The following NAALADL2 variants were observed in gnomAD, a reference collection of about 807,000 sequenced individuals.
NAALADL2 encodes the protein N-acetylated alpha-linked acidic dipeptidase like 2.
Under a neutral mutation model 87.2 loss-of-function variants are expected in NAALADL2, and 76 were observed. That is an observed-to-expected ratio of 0.87 (90% CI 0.72 to 1.05). The LOEUF is 1.05. Among genes scored for constraint, NAALADL2 ranks in the 50% least tolerant of loss-of-function variants. NAALADL2 has a pLI of 0.00. For synonymous variants in NAALADL2, 354 were observed against 331.0 expected, an observed-to-expected ratio of 1.07 and a Z score of -0.75; for missense variants, 1,089 against 945.8, an observed-to-expected ratio of 1.15 and a Z score of -1.99.
chr3:174,441,739 T>C (rs1714655577), intron 1 of NAALADL2, among the ~76,000 whole-genome samples: 1 of 150,692 alleles, frequency 6.6e-6, no homozygotes, highest in African/African-American at 2.4e-5. Context: ...TTTTTTTTTT[T>C]CATTTTTCCT....
intron 2 of NAALADL2, among the ~76,000 whole-genome samples, chr3:175,150,297 T>C (rs556541894): frequency 6.6e-6 from 1 of 152,274 alleles, no homozygotes; most frequent in Non-Finnish European, 1.5e-5. Context: ...GCAGTACCTC[T>C]CTTGGTTTCA....
intron 1 of NAALADL2, among the ~76,000 whole-genome samples, chr3:174,985,082 A>G (rs80163486): frequency 0.024 from 3,654 of 152,322 alleles, 126 homozygotes; most frequent in East Asian, 0.17. Context: ...TCATACTTCC[A>G]TACAGATGTG....
chr3:175,671,011 A>C (rs1560950395), intron 11 of NAALADL2, among the ~76,000 whole-genome samples: 1 of 151,636 alleles, frequency 6.6e-6, no homozygotes, highest in African/African-American at 2.4e-5. Flanking sequence ...AATAATAATA[A>C]TAAGCAAAAA....
intron 3 of NAALADL2, among the ~76,000 whole-genome samples, chr3:174,739,836 T>C (rs914094928): frequency 6.6e-6 from 1 of 152,054 alleles, no homozygotes; most frequent in Non-Finnish European, 1.5e-5. Context: ...CTGACTTACA[T>C]CTTGTATTAG....
intron 5 of NAALADL2, among the ~76,000 whole-genome samples, chr3:175,369,226 G>A (rs1399502428): frequency 1.3e-5 from 2 of 151,950 alleles, no homozygotes; most frequent in Admixed American, 6.6e-5. Context: ...TATATATGTA[G>A]CAAGTATGTG....
chr3:175,527,300 T>A (rs1193972550), intron 9 of NAALADL2, among the ~76,000 whole-genome samples: 1 of 152,178 alleles, frequency 6.6e-6, no homozygotes, highest in Non-Finnish European at 1.5e-5. Context: ...CAACACAACA[T>A]TGTAGCTATA....
chr3:174,828,430 T>C (rs536993410), intron 3 of NAALADL2, among the ~76,000 whole-genome samples: 133 of 152,298 alleles, frequency 8.7e-4, no homozygotes, highest in African/African-American at 2.9e-3. Flanking sequence ...CTCACATTAA[T>C]TGAGGCAGAA....
intron 2 of NAALADL2, among the ~76,000 whole-genome samples, chr3:174,644,740 G>A (rs533420880): frequency 6.6e-6 from 1 of 152,232 alleles, no homozygotes; most frequent in South Asian, 2.1e-4. Context: ...AAGATGATGA[G>A]TATTATCTGT....
At chr3:175,008,005 G>A (rs1182007691) in intron 1 of NAALADL2, among the ~76,000 whole-genome samples, 1 of 152,076 alleles carries the variant, frequency 6.6e-6, no homozygotes. Context: ...GCAAAGAGAT[G>A]ATTCATTTCC....
intron 1 of NAALADL2, among the ~76,000 whole-genome samples, chr3:174,885,243 C>A (rs1368184281): frequency 6.6e-6 from 1 of 152,140 alleles, no homozygotes; most frequent in African/African-American, 2.4e-5. Flanking sequence ...CGGCCACTCG[C>A]ATGATAAGAT....
At chr3:175,221,831 G>C (rs572053310) in intron 2 of NAALADL2, among the ~76,000 whole-genome samples, 1 of 151,176 alleles carries the variant, frequency 6.6e-6, no homozygotes. Context: ...GCTGGAGTGC[G>C]TGGCTCGATC....
intron 3 of NAALADL2, among the ~76,000 whole-genome samples, chr3:174,844,755 G>C: frequency 6.7e-6 from 1 of 148,306 alleles, no homozygotes. Flanking sequence ...GTCTGTTATT[G>C]GCATATATAA....
chr3:174,603,724 A>C (rs1055133030), intron 2 of NAALADL2, among the ~76,000 whole-genome samples: 1 of 152,030 alleles, frequency 6.6e-6, no homozygotes, highest in Admixed American at 6.6e-5. Flanking sequence ...AGCTATAAAC[A>C]GCCCTCTTAG....
chr3:175,102,617 AAATG>A (rs1234682559), intron 2 of NAALADL2, among the ~76,000 whole-genome samples: 6 of 152,192 alleles, frequency 3.9e-5, no homozygotes, highest in Non-Finnish European at 7.3e-5. Context: ...TTCACAAATA[AAATG>A]AATAAATAAT....
At chr3:174,701,545 A>G (rs1203080803) in intron 2 of NAALADL2, among the ~76,000 whole-genome samples, 1 of 152,202 alleles carries the variant, frequency 6.6e-6, no homozygotes, top group Non-Finnish European at 1.5e-5. Context: ...CATCATTACA[A>G]TGTAATGAGA....
At chr3:174,997,457 A>G (rs1031564479) in intron 1 of NAALADL2, among the ~76,000 whole-genome samples, 4 of 152,138 alleles carry the variant, frequency 2.6e-5, no homozygotes, top group African/African-American at 9.7e-5. Context: ...AAAGACTGCA[A>G]ATCCTTAAAG....
intron 11 of NAALADL2, among the ~76,000 whole-genome samples, chr3:175,725,095 A>C (rs552077896): frequency 1.9e-4 from 29 of 152,214 alleles, no homozygotes; most frequent in African/African-American, 6.7e-4. Flanking sequence ...ACATGTACAG[A>C]TACTCAGCAT....
chr3:174,585,450 G>A (rs1398013445), intron 2 of NAALADL2, among the ~76,000 whole-genome samples: 3 of 152,140 alleles, frequency 2.0e-5, no homozygotes, highest in Admixed American at 6.6e-5. Flanking sequence ...CAATGTTGAT[G>A]GATTAGAACA....
intron 1 of NAALADL2, among the ~76,000 whole-genome samples, chr3:175,003,582 G>A (rs1191300718): frequency 6.6e-6 from 1 of 152,114 alleles, no homozygotes; most frequent in Non-Finnish European, 1.5e-5. Flanking sequence ...TGATGACTTT[G>A]AGGCATTCCA....
Sources: gnomAD v4.1 joint callset for allele counts (sites outside exome capture counted in the v4.1 genomes callset) on GRCh38, gnomAD v4.1.1 for gene constraint, MANE v1.5 for transcripts, NCBI Gene and HGNC (gene_info 2026-07-23, HGNC 2026-07-21) for gene names.